Variants in RAB27A observed in about 807,000 individuals in gnomAD.
RAB27A encodes the protein RAB27A, member RAS oncogene family.
RAB27A carries 17 observed loss-of-function variants against 20.8 expected under a neutral mutation model. That is an observed-to-expected ratio of 0.82 (90% confidence interval 0.56 to 1.23). The LOEUF is 1.23. Among genes scored for constraint, RAB27A ranks in the 50% most tolerant of loss-of-function variants. The probability of loss-of-function intolerance (pLI) is 0.00; values close to 1 mark genes in which losing one functional copy is unlikely to be tolerated. For missense variants in RAB27A, 277 were observed against 266.7 expected (o/e 1.04, Z -0.27); for synonymous variants, 85 against 92.8 (o/e 0.92, Z 0.48).
At chr15:55,248,647 C>A (rs143303579) in intron 2 of RAB27A, among the ~76,000 whole-genome samples, 16 of 152,250 alleles carry the variant, frequency 1.1e-4, no homozygotes, top group African/African-American at 3.9e-4. Flanking sequence ...AAATAGATCA[C>A]GTGTTTAAAA....
chr15:55,271,951 G>C (rs1024247450), intron 1 of RAB27A, among the ~76,000 whole-genome samples: 6 of 152,174 alleles, frequency 3.9e-5, no homozygotes, highest in African/African-American at 1.4e-4. Context: ...TTTCACACCT[G>C]ACGAAAATCT....
chr15:55,293,900 A>G (rs2054935590), upstream of RAB27A, among the ~76,000 whole-genome samples: 1 of 152,094 alleles, frequency 6.6e-6, no homozygotes, highest in Non-Finnish European at 1.5e-5. Context: ...TTGGGTGATG[A>G]GTGAAACTTC....
intron 1 of RAB27A, among the ~76,000 whole-genome samples, chr15:55,318,098 C>A (rs1482336561): frequency 7.6e-6 from 1 of 131,424 alleles, no homozygotes. Flanking sequence ...CATACTTTTT[C>A]TTTTTTTTTT....
At chr15:55,208,659 G>A (rs749077856) in intron 6 of RAB27A, among the ~76,000 whole-genome samples, 9 of 84,642 alleles carry the variant, frequency 1.1e-4, no homozygotes, top group Non-Finnish European at 2.0e-4. Flanking sequence ...TTTCCCACAA[G>A]TCCCTGGAAG....
chr15:55,297,329 A>T (rs1231004774), intron 2 of RAB27A, among the ~76,000 whole-genome samples: 1 of 152,274 alleles, frequency 6.6e-6, no homozygotes, highest in East Asian at 1.9e-4. Context: ...CATGAAGGAC[A>T]TGAGAGAATT....
At chr15:55,316,667 A>G (rs1188660078) in intron 1 of RAB27A, among the ~76,000 whole-genome samples, 6 of 152,318 alleles carry the variant, frequency 3.9e-5, no homozygotes, top group African/African-American at 1.4e-4. Context: ...ACTTCAAAAA[A>G]AATTTTAACT....
chr15:55,236,967 T>C (rs1393889597), intron 2 of RAB27A, among the ~76,000 whole-genome samples: 6 of 152,154 alleles, frequency 3.9e-5, no homozygotes, highest in African/African-American at 1.2e-4. Context: ...AACCATATGC[T>C]TGTACACATT....
chr15:55,245,383 G>A (rs1004064211), intron 2 of RAB27A, among the ~76,000 whole-genome samples: 6 of 152,204 alleles, frequency 3.9e-5, no homozygotes, highest in African/African-American at 1.2e-4. Flanking sequence ...ATCTCAGGCG[G>A]AGAGAAGTGG....
chr15:55,226,138 A>C (rs1002091117), intron 5 of RAB27A, among the ~76,000 whole-genome samples: 2 of 152,208 alleles, frequency 1.3e-5, no homozygotes, highest in African/African-American at 4.8e-5. Context: ...GGCTACTTTA[A>C]AGTTTCCTTA....
chr15:55,237,185 T>C (rs1478441115), intron 2 of RAB27A: 1 of 152,242 alleles, frequency 6.6e-6, no homozygotes, highest in African/African-American at 2.4e-5. Context: ...ATCCAGAAAC[T>C]TGGCTGCCAT....
At chr15:55,220,548 G>A (rs28478777) in intron 6 of RAB27A, among the ~76,000 whole-genome samples, 3 of 152,022 alleles carry the variant, frequency 2.0e-5, no homozygotes. Flanking sequence ...TGGCATTGCA[G>A]GTATGAGCCA....
At chr15:55,301,426 A>T (rs77431435) in intron 2 of RAB27A, among the ~76,000 whole-genome samples, 4,661 of 152,058 alleles carry the variant, frequency 0.031, 83 homozygotes, top group Non-Finnish European at 0.041. Flanking sequence ...TTTTAATGAC[A>T]GCTTTGAGAT....
chr15:55,256,477 G>C (rs1897083116), intron 2 of RAB27A, among the ~76,000 whole-genome samples: 1 of 152,174 alleles, frequency 6.6e-6, no homozygotes, highest in Non-Finnish European at 1.5e-5. Context: ...GACCTGAGCT[G>C]AGCACCTTCT....
At chr15:55,277,049 A>C (rs1486709705) in intron 1 of RAB27A, among the ~76,000 whole-genome samples, 2 of 152,254 alleles carry the variant, frequency 1.3e-5, no homozygotes, top group Admixed American at 6.5e-5. Context: ...AAGAATGAAC[A>C]AACAAACGTA....
chr15:55,216,982 A>T (rs909605601), intron 6 of RAB27A, among the ~76,000 whole-genome samples: 5 of 152,216 alleles, frequency 3.3e-5, no homozygotes, highest in Admixed American at 3.3e-4. Flanking sequence ...CAAATATTTA[A>T]TTGGTATAAT....
chr15:55,290,186 G>A (rs1457735279), upstream of RAB27A: 1 of 152,246 alleles, frequency 6.6e-6, no homozygotes, highest in East Asian at 1.9e-4. Flanking sequence ...TGTTCTAAGG[G>A]TGTTTTCCAC....
At chr15:55,307,787 C>G (rs1207653523) in intron 2 of RAB27A, among the ~76,000 whole-genome samples, 1 of 150,452 alleles carries the variant, frequency 6.6e-6, no homozygotes, top group African/African-American at 2.5e-5. Flanking sequence ...CCTGAAGGAG[C>G]TTGGCGATAA....
chr15:55,215,199 CAG>C lies in RAB27A; in HGVS notation c.467+8688_467+8689del, dbSNP rs1895222617. ...TCAGTTACAAATATCTTTCCAACTC[CAG>C]AGTCTCCAGCCTCATTTGATTCCTT... On this transcript the variant is annotated intron_variant, in intron 6 of 6. Transcript: ENST00000336787. 2.6e-5 allele frequency among the ~76,000 whole-genome samples: 4 copies of C among 152,274 alleles called. No homozygotes were observed. In the South Asian group the frequency reaches 8.3e-4, roughly 32 times the overall value.
upstream of RAB27A, among the ~76,000 whole-genome samples, chr15:55,291,510 CAAAAAAAAAAAAAAA>C (rs530643102): frequency 1.2e-3 from 83 of 69,030 alleles, 2 homozygotes; most frequent in Middle Eastern, 0.038. Flanking sequence ...GACTCTGTTT[CAAAAAAAAAAAAAAA>C]AAAAAAAAAA....
Sources: gnomAD v4.1 joint callset for allele counts (sites outside exome capture counted in the v4.1 genomes callset) on GRCh38, gnomAD v4.1.1 for gene constraint, MANE v1.5 for transcripts, NCBI Gene and HGNC (gene_info 2026-07-23, HGNC 2026-07-21) for gene names.